Variants in MEF2B observed in about 807,000 individuals in gnomAD.
MEF2B encodes the protein myocyte-specific enhancer factor 2B.
A neutral mutation model predicts 32.2 loss-of-function variants in MEF2B; 15 were observed. The observed-to-expected ratio is 0.47, with a 90% confidence interval of 0.31 to 0.72. The LOEUF (loss-of-function observed/expected upper bound fraction) is 0.72, where lower values mean the gene tolerates loss of function less well. Among genes scored for constraint, MEF2B ranks in the 30% least tolerant of loss-of-function variants. The probability of loss-of-function intolerance (pLI) is 0.05; values close to 1 mark genes in which losing one functional copy is unlikely to be tolerated. For missense variants in MEF2B, 441 were observed against 511.5 expected, an observed-to-expected ratio of 0.86 and a Z score of 1.33; for synonymous variants, 205 against 225.6, an observed-to-expected ratio of 0.91 and a Z score of 0.82.
intron 3 of MEF2B, among the ~76,000 whole-genome samples, 184 bp from the exon 4 acceptor site, chr19:19,148,016 C>A (rs1568546196): frequency 6.6e-6 from 1 of 152,244 alleles, no homozygotes; most frequent in African/African-American, 2.4e-5. Context: ...GCAGTTTCCT[C>A]CCCTGGGACC....
intron 2 of MEF2B, 143 bp from the exon 3 acceptor site, chr19:19,149,572 C>T: frequency 8.5e-7 from 1 of 1,171,484 alleles, no homozygotes. Flanking sequence ...CATGTCACAA[C>T]CTGGCAAACT....
At chr19:19,150,134 A>G (rs113113486) in intron 2 of MEF2B, among the ~76,000 whole-genome samples, 64 of 124,614 alleles carry the variant, frequency 5.1e-4, no homozygotes, top group South Asian at 1.6e-3. Context: ...GATGGAAGGA[A>G]GGAGGGAAGG....
chr19:19,147,181 A>G lies in MEF2B; in HGVS notation c.396T>C (p.Pro132=), dbSNP rs755685617. 31 of 1,572,130 alleles carry G rather than the reference A, an allele frequency of 2.0e-5. No individual in the cohort carries two copies. In the East Asian group the frequency reaches 6.8e-4, roughly 34 times the overall value. The part of the protein sequence containing the change: ...DPALPRPRLY[P]AAPAMPSPDV... ...CTGGGCTGGGCATAGCAGGAGCTGC[A>G]GGCTGTGGGTAGAGAAGGGATGGGT... Residue 132 remains proline (P), a splice_region_variant and synonymous_variant, in exon 5 of 9, where the codon CCT becomes CCC. Coordinates refer to ENST00000424583, the MANE Select transcript of MEF2B (RefSeq NM_001145785.2).
intron 1 of MEF2B, among the ~76,000 whole-genome samples, chr19:19,159,002 G>A (rs1250418788): frequency 1.3e-5 from 2 of 150,724 alleles, no homozygotes; most frequent in Non-Finnish European, 3.0e-5. Context: ...GTGCAGTGGC[G>A]CAATCTCAGC....
chr19:19,165,229 C>G (rs72997105), intron 1 of MEF2B, among the ~76,000 whole-genome samples: 24,992 of 151,982 alleles, frequency 0.16, 2,346 homozygotes, highest in East Asian at 0.37. Context: ...GGGAAGACGG[C>G]CTTCAAGGAA....
At position 19,145,724 on chromosome 19, in the gene MEF2B, G is replaced by A. The variant is rs753548937; in HGVS notation, c.*73C>T. ...GTTGGGTCTTCTCTGAAGAGGCCTG[G>A]AGGGAGGTGGGGTCCCCACGTGCCC... On this transcript the variant is annotated 3_prime_UTR_variant, in exon 9 of 9. Transcript: ENST00000424583. The surrounding 1 kb of genome is among the most constrained non-coding windows in gnomAD (Gnocchi z 4.6). 1 of 1,557,130 alleles carries A rather than the reference G, an allele frequency of 6.4e-7. No individual in the cohort carries two copies. Among genetic ancestry groups the A allele is most frequent in the South Asian group, 1.2e-5 (1 of 84,554 alleles).
chr19:19,166,488 G>A (rs2060208772), intron 1 of MEF2B, among the ~76,000 whole-genome samples: 1 of 151,886 alleles, frequency 6.6e-6, no homozygotes, highest in Non-Finnish European at 1.5e-5. Flanking sequence ...ATCTGGTTGG[G>A]CTCATGCCTG....
chr19:19,147,831 G>A lies in MEF2B; in HGVS notation c.260C>T (p.Thr87Met), dbSNP rs533071900. Residue 87 changes from threonine (T) to methionine (M), a missense_variant and splice_region_variant, in exon 4 of 9, where the codon ACG becomes ATG. By Grantham distance (81) the Thr-to-Met change is moderately conservative (BLOSUM62 -1). This residue lies in a region of MEF2B where 115 missense variants were observed against 183.1 expected (regional missense o/e 0.63). Coordinates refer to ENST00000424583, the MANE Select transcript of MEF2B (RefSeq NM_001145785.2). ...GAGGCCAATGCCCCTCCGCTTCAGC[G>A]TCTATGGGGACAGGAGACAACAGGG... is the stretch of plus-strand genomic sequence containing the variant. The part of the protein sequence containing the change: ...ESRTNTDILE[T>M]LKRRGIGLDG... 2.0e-5 allele frequency: 32 copies of A among 1,612,744 alleles called. No homozygotes were observed. Among genetic ancestry groups the A allele is most frequent in the South Asian group, 7.7e-5 (7 of 91,064 alleles).
chr19:19,167,350 CAAAAAAAAA>C (rs34446494), intron 1 of MEF2B, among the ~76,000 whole-genome samples: 1 of 98,564 alleles, frequency 1.0e-5, no homozygotes, highest in Non-Finnish European at 2.0e-5. Context: ...GACTCTGTCT[CAAAAAAAAA>C]AAAAAAAAAA....
At chr19:19,160,932 G>C (rs149951610) in intron 1 of MEF2B, among the ~76,000 whole-genome samples, 1 of 152,218 alleles carries the variant, frequency 6.6e-6, no homozygotes, top group Non-Finnish European at 1.5e-5. Flanking sequence ...CCAGGTGGGG[G>C]GGCATGTAGG....
At position 19,149,056 on chromosome 19, in the gene MEF2B, C is replaced by T. The variant is rs187331620; in HGVS notation, c.258+170G>A. Among the ~76,000 whole-genome samples the T allele has an allele frequency of 9.6e-3, 1,458 of 151,780 alleles. 24 individuals are homozygous for T. Among genetic ancestry groups the T allele is most frequent in the African/African-American group, 0.033 (1,348 of 41,450 alleles). ...TGTCCCCAGAAGGGCTCCCCCACTC[C>T]CAAATGTTTGGATGAGTGGAGGGTC... On this transcript the variant is annotated intron_variant, in intron 3 of 8. Coordinates refer to ENST00000424583, the MANE Select transcript of MEF2B (RefSeq NM_001145785.2).
chr19:19,146,468 G>A, intron 7 of MEF2B, 84 bp from the exon 8 acceptor site: 1 of 1,371,498 alleles, frequency 7.3e-7, no homozygotes, highest in Non-Finnish European at 9.7e-7. Flanking sequence ...ACAGTTTTGA[G>A]TTCTGGTGGG....
chr19:19,158,522 C>G (rs2060136521), intron 1 of MEF2B, among the ~76,000 whole-genome samples: 1 of 146,774 alleles, frequency 6.8e-6, no homozygotes, highest in South Asian at 2.2e-4. Flanking sequence ...CTTTGGGAGG[C>G]TGAGGTGGGA....
intron 2 of MEF2B, 32 bp from the exon 3 acceptor site, chr19:19,149,461 G>A (rs1349965311): frequency 6.2e-7 from 1 of 1,612,844 alleles, no homozygotes; most frequent in Admixed American, 1.7e-5. Flanking sequence ...GCAGGGGAGA[G>A]AAGAAGAAGA....
chr19:19,155,247 C>T (rs905335289), intron 1 of MEF2B, among the ~76,000 whole-genome samples: 8 of 152,272 alleles, frequency 5.3e-5, no homozygotes, highest in Admixed American at 2.6e-4. Flanking sequence ...TCTCTCTCTT[C>T]GATAAATATC....
rs747025902 is a variant in MEF2B at position 19,158,344 on chromosome 19, G to GCCTT, written c.-29-7581_-29-7580insAAGG. Among the ~76,000 whole-genome samples the GCCTT allele has an allele frequency of 5.4e-5, 8 of 147,326 alleles. No individual in the cohort carries two copies. In the South Asian group the frequency reaches 1.7e-3, roughly 31 times the overall value. ...CTCAGGTGATCTGCCCACCTCAGGG[G>GCCTT]CCAAAGTGCTGGGATTACAGGCGTG... On this transcript the variant is annotated intron_variant, in intron 1 of 8. Transcript: ENST00000424583.
At chr19:19,146,712 T>C in intron 6 of MEF2B, 30 bp downstream of exon 6, 1 of 1,613,764 alleles carries the variant, frequency 6.2e-7, no homozygotes, top group Non-Finnish European at 8.5e-7. Context: ...CCTGCCCTCA[T>C]CAGCCCTGCC....
intron 2 of MEF2B, 92 bp from the exon 3 acceptor site, chr19:19,149,521 G>A (rs913158372): frequency 2.8e-5 from 42 of 1,505,624 alleles, no homozygotes; most frequent in Non-Finnish European, 3.6e-5. Flanking sequence ...ACCCTTCCTC[G>A]AACATGCCTC....
At position 19,152,400 on chromosome 19, in the gene MEF2B, AAAAAG is replaced by A. The variant is rs1908158316; in HGVS notation, c.-29-1641_-29-1637del. 2.7e-5 allele frequency among the ~76,000 whole-genome samples: 4 copies of A among 149,040 alleles called. No individual in the cohort carries two copies. The South Asian group carries it at 8.5e-4, about 32-fold the overall frequency. On this transcript the variant is annotated intron_variant, in intron 1 of 8. Coordinates refer to ENST00000424583, the MANE Select transcript of MEF2B (RefSeq NM_001145785.2). Reference sequence around the variant, plus strand: ...TGTCTCAAAAAAAAAAAAGAAAAAGAAAAAGAAAAAGAAAAAGAAATCTGGCTTGG... The same window carrying A: ...TGTCTCAAAAAAAAAAAAGAAAAAGAAAAAAGAAAAAGAAATCTGGCTTGG...
Sources: gnomAD v4.1 joint callset for allele counts (sites outside exome capture counted in the v4.1 genomes callset) on GRCh38, gnomAD v4.1.1 for gene constraint, gnomAD v4.1.1 regional missense constraint, Gnocchi (gnomAD v3.1) non-coding constraint, MANE v1.5 for transcripts, NCBI Gene and HGNC (gene_info 2026-07-23, HGNC 2026-07-21) for gene names.